The following SQOR variants were observed in gnomAD, a reference collection of about 807,000 sequenced individuals.
SQOR encodes the protein sulfide quinone oxidoreductase, also known as sulfide:quinone oxidoreductase, mitochondrial.
A neutral mutation model predicts 48.6 loss-of-function variants in SQOR; 39 were observed. The ratio of observed to expected loss-of-function variants is 0.80; its 90% CI spans 0.62 to 1.05. The LOEUF (loss-of-function observed/expected upper bound fraction) is 1.05, where lower values mean the gene tolerates loss of function less well. Ranked by LOEUF, SQOR falls within the 50% of genes least tolerant of loss-of-function variation. SQOR has a pLI of 0.00. For synonymous variants in SQOR, 220 were observed against 206.2 expected (o/e 1.07, Z -0.57); for missense variants, 561 against 559.9 (o/e 1.00, Z -0.02).
chr15:45,653,387 ACT>A (rs143680654), intron 1 of SQOR, among the ~76,000 whole-genome samples: 4,477 of 152,152 alleles, frequency 0.029, 254 homozygotes, highest in African/African-American at 0.1. Flanking sequence ...TCAGGGGAAC[ACT>A]CTACCTCAGT....
intron 1 of SQOR, among the ~76,000 whole-genome samples, chr15:45,652,525 G>A (rs1002687000): frequency 3.3e-5 from 5 of 150,794 alleles, no homozygotes; most frequent in Non-Finnish European, 7.4e-5. Context: ...TCTAGTTTTT[G>A]TAGAGACCAG....
intron 1 of SQOR, among the ~76,000 whole-genome samples, chr15:45,635,678 T>C (rs1235375903): frequency 6.6e-6 from 1 of 152,176 alleles, no homozygotes; most frequent in Admixed American, 6.5e-5. Flanking sequence ...TCTTCATCTG[T>C]CTCTTTTATT....
At chr15:45,688,223 G>A (rs1890256320) in intron 7 of SQOR, 114 bp from the exon 8 acceptor site, 1 of 715,592 alleles carries the variant, frequency 1.4e-6, no homozygotes, top group Admixed American at 2.9e-5. Flanking sequence ...TCTAGTCACA[G>A]TCTTGAGGGA....
At chr15:45,650,902 G>T (rs1314158735) in intron 1 of SQOR, among the ~76,000 whole-genome samples, 2 of 152,310 alleles carry the variant, frequency 1.3e-5, no homozygotes, top group South Asian at 2.1e-4. Context: ...TGAACTAGAC[G>T]TAAAAGTTCT....
intron 6 of SQOR, among the ~76,000 whole-genome samples, chr15:45,681,728 C>T (rs10519033): frequency 0.16 from 24,149 of 151,968 alleles, 2,277 homozygotes; most frequent in East Asian, 0.43. Context: ...AACTACAAAA[C>T]GTGAAAGAAT....
chr15:45,659,094 C>G lies in SQOR; in HGVS notation c.171C>G (p.Thr57=). The change falls in exon 2 of 10, where the codon ACC becomes ACG. Residue 57 remains threonine, a synonymous_variant. Coordinates refer to ENST00000260324, the MANE Select transcript of SQOR (RefSeq NM_021199.4). ...TGGGTGGGGGCAGTGGCGGAATCAC[C>G]ATGGCTGCCCGCATGAAGAGGAAAG... ...LVLGGGSGGI[T]MAARMKRKVG... 4 of 1,586,134 alleles carry G rather than the reference C, an allele frequency of 2.5e-6. No individual in the cohort carries two copies. The highest frequency in any genetic ancestry group is 3.4e-6 in the Non-Finnish European group (4 of 1,165,254).
intron 1 of SQOR, among the ~76,000 whole-genome samples, chr15:45,641,704 G>T (rs1271152740): frequency 1.3e-5 from 2 of 152,098 alleles, no homozygotes; most frequent in East Asian, 1.9e-4. Flanking sequence ...ATCCTTTCTC[G>T]GAACAACACT....
At chr15:45,665,945 T>G (rs1889809154) in intron 3 of SQOR, among the ~76,000 whole-genome samples, 1 of 152,200 alleles carries the variant, frequency 6.6e-6, no homozygotes, top group East Asian at 1.9e-4. Flanking sequence ...GAAGGCACTG[T>G]TGAAACCCAG....
At chr15:45,661,290 TAA>T (rs34286267) in intron 2 of SQOR, among the ~76,000 whole-genome samples, 8 of 67,532 alleles carry the variant, frequency 1.2e-4, no homozygotes, top group Admixed American at 3.8e-4. Flanking sequence ...GACTCTGTCT[TAA>T]AAAAAAAAAA....
At chr15:45,688,998 A>G in intron 8 of SQOR, 41 bp from the exon 9 acceptor site, 1 of 1,582,728 alleles carries the variant, frequency 6.3e-7, no homozygotes, top group Non-Finnish European at 8.6e-7. Flanking sequence ...AGTACCATGA[A>G]AAAAATCTAC....
chr15:45,646,237 G>C (rs1365148824), intron 1 of SQOR, among the ~76,000 whole-genome samples: 19 of 152,210 alleles, frequency 1.2e-4, no homozygotes, highest in Admixed American at 1.2e-3. Flanking sequence ...TATCGCAGCA[G>C]AGAGGCCATC....
intron 4 of SQOR, among the ~76,000 whole-genome samples, chr15:45,673,387 G>T (rs1190045091): frequency 1.3e-5 from 2 of 152,078 alleles, no homozygotes; most frequent in Admixed American, 6.6e-5. Flanking sequence ...GGAGTTGAAG[G>T]GTTCCTCTGA....
rs148840707 is a variant in SQOR, at chr15:45,676,133, C to G, written c.687C>G (p.Phe229Leu). The stretch of plus-strand genomic sequence containing the variant: ...AGCGATCCAAGGCCAATATCATTTT[C>G]AACACTTCTCTTGGAGCCATTTTCG... ...TGKRSKANII[F>L]NTSLGAIFGV... Residue 229 changes from phenylalanine to leucine, a missense_variant, in exon 6 of 10, where the codon TTC (phenylalanine) becomes TTG (leucine). Transcript: ENST00000260324. 923 of 1,613,926 alleles carry G rather than the reference C, an allele frequency of 5.7e-4. 12 individuals carry two copies. In the East Asian group the frequency reaches 0.018, roughly 32 times the overall value.
In SQOR at chr15:45,662,050, T is replaced by C. The variant is rs1889730643; in HGVS notation, c.330T>C (p.Gly110=). 15 of 1,614,086 alleles carry C rather than the reference T, an allele frequency of 9.3e-6. No homozygotes were observed. The highest frequency in any genetic ancestry group is 1.3e-5 in the African/African-American group (1 of 74,920). ...CCACGGCAAGTGTGATTCCATCTGG[T>C]GTAGAATGGATCAAAGCTAGAGTGA... ...GRPTASVIPS[G]VEWIKARVTE... The change falls in exon 3 of 10, where the codon GGT becomes GGC. Residue 110 remains glycine (G), a synonymous_variant. Transcript: ENST00000260324.
At chr15:45,637,709 TGAAAG>T (rs760586857) in intron 1 of SQOR, among the ~76,000 whole-genome samples, 40 of 152,314 alleles carry the variant, frequency 2.6e-4, no homozygotes, top group Non-Finnish European at 5.1e-4. Context: ...AACTGAATGT[TGAAAG>T]GAAACCGGAT....
chr15:45,682,338 G>A (rs62008308), intron 6 of SQOR, 140 bp from the exon 7 acceptor site: 159,382 of 804,872 alleles, frequency 0.2, 16,774 homozygotes, highest in Middle Eastern at 0.3. Context: ...TGGAGAGGGC[G>A]TGGACTGGTA....
At chr15:45,651,150 C>T (rs1017578380) in intron 1 of SQOR, among the ~76,000 whole-genome samples, 1 of 152,234 alleles carries the variant, frequency 6.6e-6, no homozygotes, top group African/African-American at 2.4e-5. Context: ...AAGCCCTGCC[C>T]TGTGGGGAGG....
intron 2 of SQOR, among the ~76,000 whole-genome samples, chr15:45,660,723 T>C (rs532395634): frequency 6.6e-6 from 1 of 152,304 alleles, no homozygotes; most frequent in African/African-American, 2.4e-5. Context: ...GACTGGCCAT[T>C]GATGAGCTCT....
rs1467779152 is a variant in SQOR, at chr15:45,673,628, T to G, written c.481T>G (p.Phe161Val). 32 of 1,613,924 alleles carry G rather than the reference T, an allele frequency of 2.0e-5. No individual in the cohort carries two copies. In the Admixed American group the frequency reaches 5.3e-4, roughly 27 times the overall value. ...YEKIKGLPEG[F>V]AHPKIGSNYS... ...GCAGATTAAAGGCCTACCTGAAGGTTTCGCTCATCCCAAAATAGGGTCGAA... is the reference window on the plus strand; with the variant it reads ...GCAGATTAAAGGCCTACCTGAAGGTGTCGCTCATCCCAAAATAGGGTCGAA... Residue 161 changes from phenylalanine to valine, a missense_variant, in exon 5 of 10, where the codon TTC (phenylalanine) becomes GTC (valine). Coordinates refer to ENST00000260324, the MANE Select transcript of SQOR (RefSeq NM_021199.4).
Sources: gnomAD v4.1 joint callset for allele counts (sites outside exome capture counted in the v4.1 genomes callset) on GRCh38, gnomAD v4.1.1 for gene constraint, MANE v1.5 for transcripts, NCBI Gene and HGNC (gene_info 2026-07-23, HGNC 2026-07-21) for gene names.